The following WDFY2 variants were observed in gnomAD, a reference collection of about 807,000 sequenced individuals.
WDFY2 encodes WD repeat and FYVE domain containing 2, also known as WD repeat and FYVE domain-containing protein 2.
A neutral mutation model predicts 56.4 loss-of-function variants in WDFY2; 36 were observed. The ratio of observed to expected loss-of-function variants is 0.64; its 90% confidence interval spans 0.49 to 0.84. The LOEUF is 0.84. WDFY2 is among the 40% of genes least tolerant of loss of function. WDFY2 has a pLI of 0.00. For missense variants in WDFY2, 444 were observed against 512.2 expected, an observed-to-expected ratio of 0.87 and a Z score of 1.29; for synonymous variants, 176 against 183.7, an observed-to-expected ratio of 0.96 and a Z score of 0.34.
intron 3 of WDFY2, among the ~76,000 whole-genome samples, chr13:51,692,263 T>C (rs1304016548): frequency 2.0e-5 from 3 of 152,228 alleles, no homozygotes; most frequent in Admixed American, 6.5e-5. Context: ...GGCATCCCTG[T>C]CTTGTGCCAG....
At chr13:51,652,379 T>C (rs1174756268) in intron 1 of WDFY2, among the ~76,000 whole-genome samples, 1 of 152,258 alleles carries the variant, frequency 6.6e-6, no homozygotes, top group Non-Finnish European at 1.5e-5. Context: ...CTGTGTCTTT[T>C]AATTGGAGCA....
chr13:51,756,366 G>T lies in WDFY2; in HGVS notation c.968G>T (p.Gly323Val). The T allele has an allele frequency of 1.2e-6, 2 of 1,613,892 alleles. No homozygotes were observed. The highest frequency in any genetic ancestry group is 1.7e-6 in the Non-Finnish European group (2 of 1,179,868). ...CGCAAGTGTGGGAAGGCCGTCTGTG[G>T]CAAGTGCAGCTCCAAGCGCTCCTCC... ...HCRKCGKAVC[G>V]KCSSKRSSIP... Residue 323 changes from glycine to valine, a missense_variant, in exon 10 of 12, where the codon GGC becomes GTC. Transcript: ENST00000298125.
chr13:51,590,757 A>ATTTAGAGAAAAAAT (rs1692353551), intron 1 of WDFY2: 2 of 151,896 alleles, frequency 1.3e-5, no homozygotes, highest in Admixed American at 1.3e-4. Flanking sequence ...AAATTCCCTA[A>ATTTAGAGAAAAAAT]CAGAGAAAAA....
intron 3 of WDFY2, among the ~76,000 whole-genome samples, chr13:51,677,741 G>A (rs1593404212): frequency 6.6e-6 from 1 of 152,074 alleles, no homozygotes; most frequent in Non-Finnish European, 1.5e-5. Flanking sequence ...AAAAAATGTG[G>A]CCACAAAGAG....
At chr13:51,618,042 A>G (rs1593884974) in intron 1 of WDFY2, among the ~76,000 whole-genome samples, 1 of 152,230 alleles carries the variant, frequency 6.6e-6, no homozygotes, top group Non-Finnish European at 1.5e-5. Context: ...TTTGATGTAG[A>G]CGTACACATT....
intron 7 of WDFY2, among the ~76,000 whole-genome samples, chr13:51,740,227 A>G (rs901083780): frequency 6.6e-6 from 1 of 152,180 alleles, no homozygotes; most frequent in Non-Finnish European, 1.5e-5. Flanking sequence ...AGTGTTAGAG[A>G]AGTAGCTACT....
Position 51,617,346 on chromosome 13 carries a change from C to CTT in WDFY2, c.137+32532_137+32533dup, listed in dbSNP as rs199732156. Among the ~76,000 whole-genome samples the CTT allele has an allele frequency of 1.0e-4, 15 of 146,702 alleles. No homozygotes were observed. The East Asian group carries it at 1.4e-3, about 14-fold the overall frequency. ...GAAGTCCAAGTACAGAATTCTTTTT[C>CTT]TTTTTTTTTTTGAGATGTAGTCTTG... On this transcript the variant is annotated intron_variant, in intron 1 of 11. Transcript: ENST00000298125.
chr13:51,610,866 C>T (rs1954489057), intron 1 of WDFY2, among the ~76,000 whole-genome samples: 1 of 152,188 alleles, frequency 6.6e-6, no homozygotes, highest in Non-Finnish European at 1.5e-5. Flanking sequence ...TCCTCTTTGG[C>T]ATTCATCTGG....
chr13:51,719,149 A>T, intron 4 of WDFY2, 49 bp from the exon 5 acceptor site: 1 of 1,612,810 alleles, frequency 6.2e-7, no homozygotes, highest in Non-Finnish European at 8.5e-7. Flanking sequence ...TGTTCTTCCA[A>T]CCTCCTTAGG....
At chr13:51,693,192 CCTT>C (rs1951783618) in intron 3 of WDFY2, among the ~76,000 whole-genome samples, 2 of 151,848 alleles carry the variant, frequency 1.3e-5, no homozygotes, top group Admixed American at 6.6e-5. Flanking sequence ...GTCTCTATTT[CCTT>C]CATTTTAGTT....
intron 1 of WDFY2, among the ~76,000 whole-genome samples, chr13:51,599,742 A>G (rs972465451): frequency 2.0e-5 from 3 of 152,220 alleles, no homozygotes; most frequent in African/African-American, 7.2e-5. Context: ...ATTATAAGTT[A>G]TAGTTTAAAT....
chr13:51,708,977 C>T lies in WDFY2; in HGVS notation c.334+5327C>T, dbSNP rs138583671. ...ATAACACTCGTAAATGTTTATGCATCTAATAACATGGTTTTGAAATATGTG... is the reference window on the plus strand; with the variant it reads ...ATAACACTCGTAAATGTTTATGCATTTAATAACATGGTTTTGAAATATGTG... On this transcript the variant is annotated intron_variant, in intron 4 of 11. Coordinates refer to ENST00000298125, the MANE Select transcript of WDFY2 (RefSeq NM_052950.4). Among the ~76,000 whole-genome samples, 205 of 152,254 alleles carry T rather than the reference C, an allele frequency of 1.3e-3. 3 individuals are homozygous for T. The East Asian group carries it at 0.032, about 24-fold the overall frequency.
intron 1 of WDFY2, among the ~76,000 whole-genome samples, chr13:51,585,647 T>C (rs1449921075): frequency 6.6e-6 from 1 of 152,264 alleles, no homozygotes; most frequent in Non-Finnish European, 1.5e-5. Context: ...TAATGTTGCT[T>C]GAAGATAGTA....
At chr13:51,735,877 G>A (rs575512958) in intron 6 of WDFY2, among the ~76,000 whole-genome samples, 1 of 151,938 alleles carries the variant, frequency 6.6e-6, no homozygotes, top group East Asian at 1.9e-4. Flanking sequence ...TTCCACTTTG[G>A]GCCCTGGGAG....
At chr13:51,693,934 G>T (rs1301469328) in intron 3 of WDFY2, among the ~76,000 whole-genome samples, 1 of 151,630 alleles carries the variant, frequency 6.6e-6, no homozygotes, top group East Asian at 1.9e-4. Flanking sequence ...TTACCATTAT[G>T]TAATGGCCTT....
intron 7 of WDFY2, among the ~76,000 whole-genome samples, chr13:51,747,116 T>C (rs1953121689): frequency 6.6e-6 from 1 of 152,268 alleles, no homozygotes; most frequent in Non-Finnish European, 1.5e-5. Flanking sequence ...GAGGCTGTCC[T>C]TTATTGAAGT....
intron 5 of WDFY2, among the ~76,000 whole-genome samples, chr13:51,724,394 C>A (rs1209473227): frequency 6.6e-6 from 1 of 151,824 alleles, no homozygotes; most frequent in Non-Finnish European, 1.5e-5. Flanking sequence ...CTGACCACCG[C>A]GCCCAGCTAA....
At chr13:51,649,198 G>A (rs1006022525) in intron 1 of WDFY2, among the ~76,000 whole-genome samples, 3 of 152,134 alleles carry the variant, frequency 2.0e-5, no homozygotes, top group African/African-American at 7.2e-5. Flanking sequence ...GCTTGAGACC[G>A]ACTATGGGCT....
chr13:51,724,720 T>A lies in WDFY2; in HGVS notation c.486-2958T>A, dbSNP rs1952568172. 2.6e-5 allele frequency among the ~76,000 whole-genome samples: 4 copies of A among 152,212 alleles called. No homozygotes were observed. The South Asian group carries it at 8.3e-4, about 32-fold the overall frequency. The stretch of plus-strand genomic sequence containing the variant: ...CAGTGAACCTACATTGGCACGTCAC[T>A]ATCACCTGAAGTCCATAGTTTAGGG... On this transcript the variant is annotated intron_variant, in intron 5 of 11. Coordinates refer to ENST00000298125, the MANE Select transcript of WDFY2 (RefSeq NM_052950.4).
Sources: allele counts gnomAD v4.1 joint callset (sites outside exome capture counted in the v4.1 genomes callset), GRCh38; gene constraint gnomAD v4.1.1; transcripts MANE v1.5; gene names NCBI Gene and HGNC (gene_info 2026-07-23, HGNC 2026-07-21).